The following SLC11A2 variants were observed in gnomAD, a reference collection of about 807,000 sequenced individuals.
SLC11A2 encodes the protein natural resistance-associated macrophage protein 2.
A neutral mutation model predicts 68.0 loss-of-function variants in SLC11A2; 38 were observed. The ratio of observed to expected loss-of-function variants is 0.56; its 90% CI spans 0.43 to 0.73. The LOEUF (loss-of-function observed/expected upper bound fraction) is 0.73. SLC11A2 is among the 30% of genes least tolerant of loss of function. SLC11A2 has a pLI of 0.00. For synonymous variants in SLC11A2, 242 were observed against 250.6 expected (o/e 0.97, Z 0.32); for missense variants, 517 against 690.5 (o/e 0.75, Z 2.82).
chr12:50,976,964 A>G (rs1425680215), downstream of SLC11A2, among the ~76,000 whole-genome samples: 1 of 152,106 alleles, frequency 6.6e-6, no homozygotes, highest in Admixed American at 6.6e-5. Flanking sequence ...CTCCAAGGAG[A>G]ACTACAAACC....
upstream of SLC11A2, chr12:51,028,437 T>C (rs571241913): frequency 8.4e-4 from 395 of 472,924 alleles, 1 homozygote; most frequent in Non-Finnish European, 7.9e-4. Flanking sequence ...AAGCATTATA[T>C]ATCTGCCACT....
rs146443303 is a variant in SLC11A2 at position 51,017,995 on chromosome 12, A to C, written c.-38-7229T>G. On this transcript the variant is annotated intron_variant, in intron 1 of 15. Coordinates refer to ENST00000262052, the MANE Select transcript of SLC11A2 (RefSeq NM_000617.3). ...AATTAAGTTACCCCCCAAAACACAT[A>C]CTAGCTATAATAAATTCTAACATCT... Among the ~76,000 whole-genome samples, 180 of 152,320 alleles carry C rather than the reference A, an allele frequency of 1.2e-3. 1 individual carries two copies. Among genetic ancestry groups the C allele is most frequent in the African/African-American group, 4.2e-3 (173 of 41,584 alleles).
intron 4 of SLC11A2, 76 bp downstream of exon 4, chr12:51,005,235 C>T (rs1220446027): frequency 1.3e-6 from 2 of 1,514,948 alleles, no homozygotes; most frequent in Admixed American, 1.7e-5. Context: ...GGCTACTATC[C>T]AACATGCAGG....
At position 50,986,274 on chromosome 12, in the gene SLC11A2, G is replaced by T. The variant is rs775017037; in HGVS notation, c.*2051C>A. The T allele has an allele frequency of 3.1e-6, 4 of 1,286,190 alleles. No individual in the cohort carries two copies. The South Asian group carries it at 4.9e-5, about 16-fold the overall frequency. 79.7% of individuals were successfully genotyped at this position (1,286,190 alleles called of 1,614,324 possible). A position where few individuals can be genotyped will look rare whatever the true frequency, so the allele number is the denominator to read the frequency against. On this transcript the variant is annotated 3_prime_UTR_variant, in exon 16 of 16. Transcript: ENST00000262052. ...ACTCACTGGATATGCTGGAATTGGA[G>T]GACTTAAATTTCTACATATTATTTA...
Position 50,986,851 on chromosome 12 carries a change from C to A in SLC11A2, c.*1474G>T. On this transcript the variant is annotated 3_prime_UTR_variant, in exon 16 of 16. Coordinates refer to ENST00000262052, the MANE Select transcript of SLC11A2 (RefSeq NM_000617.3). ...CCATCCATCCAGTCTGCGCTTTTGACTGTGTGCAAGTATCAGTAATAATGC... is the reference window on the plus strand; with the variant it reads ...CCATCCATCCAGTCTGCGCTTTTGAATGTGTGCAAGTATCAGTAATAATGC... 7.8e-7 allele frequency: 1 copy of A among 1,287,202 alleles called. No individual in the cohort carries two copies. The highest frequency in any genetic ancestry group is 1.5e-5 in the African/African-American group (1 of 65,914). The allele number at this position is 1,287,202 out of a possible 1,614,324, so 79.7% of individuals were successfully genotyped here.
chr12:50,961,747 T>C, the SLC11A2 span, among the ~76,000 whole-genome samples: 1 of 152,210 alleles, frequency 6.6e-6, no homozygotes, highest in Admixed American at 6.5e-5. Context: ...CCTACATTAA[T>C]GAGAACAGGT....
chr12:50,977,233 T>C (rs1939859929), downstream of SLC11A2, among the ~76,000 whole-genome samples: 1 of 152,208 alleles, frequency 6.6e-6, no homozygotes, highest in Non-Finnish European at 1.5e-5. Flanking sequence ...TCACGCTACC[T>C]GACTTCAAAC....
the SLC11A2 span, among the ~76,000 whole-genome samples, chr12:50,969,939 T>C: frequency 6.6e-6 from 1 of 152,106 alleles, no homozygotes; most frequent in African/African-American, 2.4e-5. Context: ...TTCCTTACCC[T>C]ATTCCTTCTG....
chr12:51,004,900 C>A lies in SLC11A2; in HGVS notation c.317G>T (p.Trp106Leu). The A allele has an allele frequency of 6.2e-7, 1 of 1,614,036 alleles. No individual in the cohort carries two copies. Among genetic ancestry groups the A allele is most frequent in the Non-Finnish European group, 8.5e-7 (1 of 1,179,986 alleles). ...CACAAGGGTGGCCAACAGAAGGATCCAGAGCAACTAAGAAGAACAAAATCT... is the reference window on the plus strand; with the variant it reads ...CACAAGGGTGGCCAACAGAAGGATCAAGAGCAACTAAGAAGAACAAAATCT... ...SGAVAGFKLLWILLLATLVGL... is the reference protein window; with the variant it reads ...SGAVAGFKLLLILLLATLVGL... Residue 106 changes from tryptophan (W) to leucine (L), a missense_variant, in exon 5 of 16, where the codon TGG becomes TTG. By Grantham distance (61) the Trp-to-Leu change is moderately conservative. Transcript: ENST00000262052.
the SLC11A2 span, chr12:50,970,384 G>A: frequency 1.1e-6 from 1 of 872,356 alleles, no homozygotes; most frequent in Non-Finnish European, 1.9e-6. Flanking sequence ...ACAAGTGGAA[G>A]AAATTCAGTG....
chr12:50,957,985 T>TGTGTGTGTGTGTGTGTGTGTGTG, the SLC11A2 span, among the ~76,000 whole-genome samples: 1 of 135,982 alleles, frequency 7.4e-6, no homozygotes, highest in African/African-American at 2.7e-5. Flanking sequence ...TGTGTGTGTG[T>TGTGTGTGTGTGTGTGTGTGTGTG]AGTAGAGGCA....
chr12:51,022,321 T>C (rs1319003765), intron 1 of SLC11A2, among the ~76,000 whole-genome samples: 2 of 150,802 alleles, frequency 1.3e-5, no homozygotes, highest in Non-Finnish European at 3.0e-5. Flanking sequence ...TGTAATCCCT[T>C]AGCACTTTGG....
At chr12:50,958,920 G>C in the SLC11A2 span, among the ~76,000 whole-genome samples, 2 of 151,594 alleles carry the variant, frequency 1.3e-5, no homozygotes, top group East Asian at 2.0e-4. Context: ...GGGAGGCTGA[G>C]GCACGAGAAT....
Position 51,011,469 on chromosome 12 carries a change from A to T in SLC11A2, c.-38-703T>A, listed in dbSNP as rs182571584. 2.0e-4 allele frequency among the ~76,000 whole-genome samples: 30 copies of T among 151,540 alleles called. No homozygotes were observed. The Middle Eastern group carries it at 0.014, about 70-fold the overall frequency. ...AATAAGCATCTACACAGAGGCTGCTAGGCAAGTATCCATTCTCTGCCTTTG... is the reference window on the plus strand; with the variant it reads ...AATAAGCATCTACACAGAGGCTGCTTGGCAAGTATCCATTCTCTGCCTTTG... On this transcript the variant is annotated intron_variant, in intron 1 of 15. Coordinates refer to ENST00000262052, the MANE Select transcript of SLC11A2 (RefSeq NM_000617.3).
intron 5 of SLC11A2, among the ~76,000 whole-genome samples, chr12:51,002,770 T>A (rs573911298): frequency 6.8e-6 from 1 of 148,128 alleles, no homozygotes; most frequent in Non-Finnish European, 1.5e-5. Flanking sequence ...TGAAACCTCA[T>A]CTCTACTAAA....
intron 10 of SLC11A2, 47 bp from the exon 11 acceptor site, chr12:50,994,677 G>C (rs537252225): frequency 2.8e-6 from 3 of 1,055,346 alleles, no homozygotes; most frequent in Non-Finnish European, 4.5e-6. Flanking sequence ...CAGAAGCAAG[G>C]ACCAAATAAG....
At chr12:51,027,101 G>C (rs550602146), upstream of SLC11A2, among the ~76,000 whole-genome samples, 7 of 152,142 alleles carry the variant, frequency 4.6e-5, no homozygotes, top group South Asian at 1.2e-3. Context: ...GCTTGAACCC[G>C]GGAGGCGGAG....
chr12:51,009,273 C>T (rs1034097437), intron 2 of SLC11A2: 42 of 1,294,778 alleles, frequency 3.2e-5, no homozygotes, highest in African/African-American at 4.6e-5. Flanking sequence ...AGTAAAGTGC[C>T]GCCGGTCACG....
In SLC11A2 at chr12:50,996,965, G is replaced by A; in HGVS notation, c.683C>T (p.Thr228Ile). 1 of 1,613,878 alleles carries A rather than the reference G, an allele frequency of 6.2e-7. No individual in the cohort carries two copies. The highest frequency in any genetic ancestry group is 1.1e-5 in the South Asian group (1 of 91,080). The change falls in exon 9 of 16, where the codon ACA becomes ATA. Residue 228 changes from threonine (T) to isoleucine (I), a missense_variant. Thr to Ile is a moderately conservative substitution (Grantham distance 89). Transcript: ENST00000262052. ...TACCTGGCTCTGGCTGGGTTTCACT[G>A]TAACATACTACATACCAACATAACA... ...MALTFGYEYV[T>I]VKPSQSQVLK...
Sources: allele counts gnomAD v4.1 joint callset (sites outside exome capture counted in the v4.1 genomes callset), GRCh38; gene constraint gnomAD v4.1.1; transcripts MANE v1.5; gene names NCBI Gene and HGNC (gene_info 2026-07-23, HGNC 2026-07-21).